The following CYTH3 variants were observed in gnomAD, a reference collection of about 807,000 sequenced individuals.
CYTH3 encodes cytohesin 3, also known as cytohesin-3.
A neutral mutation model predicts 55.1 loss-of-function variants in CYTH3; 23 were observed. The observed-to-expected ratio is 0.42, with a 90% CI of 0.30 to 0.59. The LOEUF (loss-of-function observed/expected upper bound fraction) is 0.59, where lower values mean the gene tolerates loss of function less well. Among genes scored for constraint, CYTH3 ranks in the 20% least tolerant of loss-of-function variants. The pLI is 0.20. For synonymous variants in CYTH3, 249 were observed against 194.9 expected, an observed-to-expected ratio of 1.28 and a Z score of -2.31; for missense variants, 413 against 524.8, an observed-to-expected ratio of 0.79 and a Z score of 2.08.
intron 4 of CYTH3, among the ~76,000 whole-genome samples, chr7:6,185,481 G>A (rs1325487609): frequency 6.6e-6 from 1 of 152,118 alleles, no homozygotes; most frequent in Non-Finnish European, 1.5e-5. Flanking sequence ...CAGATCACAA[G>A]GTCAGGAGAT....
intron 1 of CYTH3, among the ~76,000 whole-genome samples, chr7:6,219,865 T>G (rs549123200): frequency 6.6e-6 from 1 of 151,974 alleles, no homozygotes; most frequent in Non-Finnish European, 1.5e-5. Context: ...GGAACAATTT[T>G]GAAAAAAAGA....
intron 1 of CYTH3, among the ~76,000 whole-genome samples, chr7:6,199,803 G>A (rs1214046292): frequency 6.6e-6 from 1 of 152,142 alleles, no homozygotes; most frequent in Non-Finnish European, 1.5e-5. Context: ...GAAATAATAC[G>A]ACATGTATTG....
At chr7:6,195,791 G>C (rs1473151355) in intron 1 of CYTH3, among the ~76,000 whole-genome samples, 3 of 152,114 alleles carry the variant, frequency 2.0e-5, no homozygotes, top group African/African-American at 7.2e-5. Flanking sequence ...ACCAAAGCCA[G>C]GGAAAGTCTA....
At chr7:6,269,131 C>T (rs970773023) in intron 1 of CYTH3, among the ~76,000 whole-genome samples, 1 of 152,182 alleles carries the variant, frequency 6.6e-6, no homozygotes, top group Non-Finnish European at 1.5e-5. Context: ...CGGAAGCCAG[C>T]TGACCAAGGG....
chr7:6,256,378 T>C (rs6463538), intron 1 of CYTH3, among the ~76,000 whole-genome samples: 7,146 of 152,272 alleles, frequency 0.047, 574 homozygotes, highest in African/African-American at 0.16. Flanking sequence ...ACTAGGATAG[T>C]GGACTTCTCT....
intron 1 of CYTH3, among the ~76,000 whole-genome samples, chr7:6,214,791 T>C (rs1784390824): frequency 6.6e-6 from 1 of 152,196 alleles, no homozygotes; most frequent in Non-Finnish European, 1.5e-5. Flanking sequence ...CCCACGGTAA[T>C]ATCAAAGTAC....
intron 1 of CYTH3, among the ~76,000 whole-genome samples, chr7:6,223,485 C>T (rs1434600544): frequency 6.6e-6 from 1 of 152,204 alleles, no homozygotes; most frequent in Non-Finnish European, 1.5e-5. Context: ...TTGTTCTGTA[C>T]TAAGAAAAAT....
At position 6,233,928 on chromosome 7, in the gene CYTH3, G is replaced by A. The variant is rs550252376; in HGVS notation, c.34+38546C>T. Among the ~76,000 whole-genome samples, 6 of 152,100 alleles carry A rather than the reference G, an allele frequency of 3.9e-5. No homozygotes were observed. In the South Asian group the frequency reaches 6.2e-4, roughly 16 times the overall value. ...TCTTGCACAGCTGCCTTTTCTCTGT[G>A]TCCTCACTTGGTGGAAGGGGCAAGG... On this transcript the variant is annotated intron_variant, in intron 1 of 12. Transcript: ENST00000350796.
chr7:6,235,785 C>A (rs1779506612), intron 1 of CYTH3, among the ~76,000 whole-genome samples: 1 of 152,132 alleles, frequency 6.6e-6, no homozygotes, highest in Admixed American at 6.5e-5. Flanking sequence ...GACAGAAACC[C>A]CACTCAAATG....
intron 4 of CYTH3, among the ~76,000 whole-genome samples, 154 bp downstream of exon 4, chr7:6,186,895 GA>G (rs1783668120): frequency 6.6e-6 from 1 of 152,142 alleles, no homozygotes; most frequent in South Asian, 2.1e-4. Flanking sequence ...CCCCACTCGC[GA>G]AAAGCCCCTT....
chr7:6,236,993 C>T (rs377399147), intron 1 of CYTH3, among the ~76,000 whole-genome samples: 5 of 152,198 alleles, frequency 3.3e-5, no homozygotes, highest in East Asian at 1.9e-4. Flanking sequence ...GATCAGCTTC[C>T]GAGTTTTGGT....
intron 1 of CYTH3, among the ~76,000 whole-genome samples, chr7:6,205,958 TA>T (rs1784177645): frequency 6.7e-6 from 1 of 149,748 alleles, no homozygotes; most frequent in Admixed American, 6.7e-5. Context: ...CACTCACCTT[TA>T]AAAATTAGAG....
chr7:6,270,543 A>T (rs1780623171), intron 1 of CYTH3, among the ~76,000 whole-genome samples: 1 of 152,230 alleles, frequency 6.6e-6, no homozygotes, highest in Admixed American at 6.5e-5. Context: ...AATAATCCAT[A>T]ATGTCACCAA....
Position 6,170,302 on chromosome 7 carries a change from G to C in CYTH3, c.823+233C>G. On this transcript the variant is annotated intron_variant, in intron 9 of 12. Transcript: ENST00000350796. The surrounding 1 kb of genome is among the most constrained non-coding windows in gnomAD (Gnocchi z 7.8). ...GCTAACTCAGCAGTTTTCTGGGACG[G>C]GCCGTGCAGCCTGGGCGCTACTCTC... 3.8e-6 allele frequency: 2 copies of C among 532,410 alleles called. No individual in the cohort carries two copies. The highest frequency in any genetic ancestry group is 6.6e-6 in the Non-Finnish European group (2 of 302,468). 33.0% of individuals were successfully genotyped at this position (532,410 alleles called of 1,614,324 possible).
intron 1 of CYTH3, among the ~76,000 whole-genome samples, chr7:6,254,530 C>A (rs1364279608): frequency 6.6e-6 from 1 of 152,200 alleles, no homozygotes; most frequent in East Asian, 1.9e-4. Flanking sequence ...CTCACTGCAA[C>A]CTCCGCCTCC....
At chr7:6,243,711 A>T (rs1015353827) in intron 1 of CYTH3, among the ~76,000 whole-genome samples, 3 of 152,224 alleles carry the variant, frequency 2.0e-5, no homozygotes, top group African/African-American at 7.2e-5. Flanking sequence ...TTCCGGCCCT[A>T]TATCAACTTA....
chr7:6,233,068 C>T (rs1779428148), intron 1 of CYTH3, among the ~76,000 whole-genome samples: 1 of 152,184 alleles, frequency 6.6e-6, no homozygotes, highest in Non-Finnish European at 1.5e-5. Flanking sequence ...TTCCCAAGCT[C>T]CTTAAATACT....
At chr7:6,270,804 T>C (rs965759409) in intron 1 of CYTH3, among the ~76,000 whole-genome samples, 9 of 152,174 alleles carry the variant, frequency 5.9e-5, no homozygotes, top group Non-Finnish European at 1.2e-4. Flanking sequence ...TTTTGATACT[T>C]CATATCATCC....
intron 1 of CYTH3, among the ~76,000 whole-genome samples, chr7:6,195,770 T>C (rs931291342): frequency 6.6e-6 from 1 of 152,198 alleles, no homozygotes; most frequent in Non-Finnish European, 1.5e-5. Context: ...CCTCGTTTTA[T>C]AAATGAGGAA....
Sources: gnomAD v4.1 joint callset for allele counts (sites outside exome capture counted in the v4.1 genomes callset) on GRCh38, gnomAD v4.1.1 for gene constraint, Gnocchi (gnomAD v3.1) non-coding constraint, MANE v1.5 for transcripts, NCBI Gene and HGNC (gene_info 2026-07-23, HGNC 2026-07-21) for gene names.